Variants in HOOK3 observed in about 807,000 individuals in gnomAD.
HOOK3 encodes protein Hook homolog 3.
Under a neutral mutation model 116.3 loss-of-function variants are expected in HOOK3, and 24 were observed. The ratio of observed to expected loss-of-function variants is 0.21; its 90% confidence interval spans 0.15 to 0.29. HOOK3 has a LOEUF of 0.29. Among genes scored for constraint, HOOK3 ranks in the 10% least tolerant of loss-of-function variants. The probability of loss-of-function intolerance (pLI) is 1.00; values close to 1 mark genes in which losing one functional copy is unlikely to be tolerated. For synonymous variants in HOOK3, 275 were observed against 283.0 expected (o/e 0.97, Z 0.28); for missense variants, 632 against 830.2 (o/e 0.76, Z 2.93).
chr8:43,029,554 G>A lies in HOOK3; in HGVS notation c.*11056G>A. Reference sequence around the variant, plus strand: ...TTACAGGTTCTGTGTAATTCAGAATGCTTTGTACTTAGAAAATAATTTCTA... The same window carrying A: ...TTACAGGTTCTGTGTAATTCAGAATACTTTGTACTTAGAAAATAATTTCTA... On this transcript the variant is annotated 3_prime_UTR_variant, in exon 22 of 22. Coordinates refer to ENST00000307602, the MANE Select transcript of HOOK3 (RefSeq NM_032410.4). 5.3e-6 allele frequency: 1 copy of A among 188,538 alleles called. No individual in the cohort carries two copies. Among genetic ancestry groups the A allele is most frequent in the Non-Finnish European group, 1.1e-5 (1 of 89,504 alleles). 11.7% of individuals were successfully genotyped at this position (188,538 alleles called of 1,614,324 possible). A position where few individuals can be genotyped will look rare whatever the true frequency, so the allele number is the denominator to read the frequency against.
At chr8:42,978,840 C>T (rs138139049) in intron 13 of HOOK3, among the ~76,000 whole-genome samples, 257 of 152,302 alleles carry the variant, frequency 1.7e-3, no homozygotes, top group African/African-American at 5.9e-3. Context: ...TGTGCTACCG[C>T]GCCCAGCCAG....
chr8:43,027,135 A>G lies in HOOK3; in HGVS notation c.*8637A>G. ...TTGAACTCCTGACCTCAGGTAATCC[A>G]CCCGCCTCAGCCTCCCAAAGTGCTG... is the stretch of plus-strand genomic sequence containing the variant. On this transcript the variant is annotated 3_prime_UTR_variant, in exon 22 of 22. Coordinates refer to ENST00000307602, the MANE Select transcript of HOOK3 (RefSeq NM_032410.4). 5.3e-6 allele frequency: 1 copy of G among 187,084 alleles called. No homozygotes were observed. The highest frequency in any genetic ancestry group is 1.1e-5 in the Non-Finnish European group (1 of 88,580). 11.6% of individuals were successfully genotyped at this position (187,084 alleles called of 1,614,324 possible).
chr8:42,975,640 T>G (rs901617582), intron 13 of HOOK3, among the ~76,000 whole-genome samples: 1 of 152,238 alleles, frequency 6.6e-6, no homozygotes, highest in African/African-American at 2.4e-5. Context: ...TAGATGACGC[T>G]GCCGTGCTAA....
chr8:42,967,922 T>G (rs764201995), intron 10 of HOOK3, 91 bp from the exon 11 acceptor site: 1 of 725,498 alleles, frequency 1.4e-6, no homozygotes. Context: ...TTTCATTAGA[T>G]GTGTGTTTCC....
In HOOK3 at chr8:42,986,800, A is replaced by G. The variant is rs1809056790; in HGVS notation, c.1532+5A>G. The G allele has an allele frequency of 6.2e-7, 1 of 1,613,002 alleles. No individual in the cohort carries two copies. The highest frequency in any genetic ancestry group is 2.2e-5 in the East Asian group (1 of 44,826). Reference sequence around the variant, plus strand: ...TGAACTGGAGACAGAGAATAGGTAGAGTATTATAGGTGGCCGCATCTGGCT... The same window carrying G: ...TGAACTGGAGACAGAGAATAGGTAGGGTATTATAGGTGGCCGCATCTGGCT... On this transcript the variant is annotated splice_donor_5th_base_variant and intron_variant, in intron 15 of 21. Transcript: ENST00000307602.
chr8:43,026,368 T>C lies in HOOK3; in HGVS notation c.*7870T>C, dbSNP rs556714350. ...GTAGCACTTTACTAATATTAGATCATTATTTTCCCTCTTCCCCTCTACCTT... is the reference window on the plus strand; with the variant it reads ...GTAGCACTTTACTAATATTAGATCACTATTTTCCCTCTTCCCCTCTACCTT... On this transcript the variant is annotated 3_prime_UTR_variant, in exon 22 of 22. Coordinates refer to ENST00000307602, the MANE Select transcript of HOOK3 (RefSeq NM_032410.4). The C allele has an allele frequency of 1.0e-5, 2 of 198,800 alleles. 1 individual carries two copies. The highest frequency in any genetic ancestry group is 3.8e-4 in the South Asian group (2 of 5,232). 12.3% of individuals were successfully genotyped at this position (198,800 alleles called of 1,614,324 possible).
chr8:42,946,959 C>T (rs1314431909), intron 5 of HOOK3, among the ~76,000 whole-genome samples: 5 of 151,796 alleles, frequency 3.3e-5, no homozygotes, highest in Admixed American at 1.3e-4. Flanking sequence ...TTAGTAGAGA[C>T]GGGTTTTTAC....
At chr8:42,915,430 A>G (rs186067181) in intron 2 of HOOK3, among the ~76,000 whole-genome samples, 3 of 152,004 alleles carry the variant, frequency 2.0e-5, no homozygotes, top group Admixed American at 6.6e-5. Flanking sequence ...ATTGCCTGTT[A>G]TTATTATTAT....
chr8:42,931,929 A>G (rs978172574), intron 4 of HOOK3, among the ~76,000 whole-genome samples: 1 of 151,950 alleles, frequency 6.6e-6, no homozygotes. Context: ...TAATTTTTGT[A>G]TTTTTGGTAG....
intron 4 of HOOK3, among the ~76,000 whole-genome samples, chr8:42,938,838 G>A (rs1368965338): frequency 6.6e-6 from 1 of 152,056 alleles, no homozygotes; most frequent in East Asian, 1.9e-4. Context: ...AAGGTCTCTG[G>A]TTTTCCTAGG....
chr8:42,955,971 A>G (rs944727621), intron 6 of HOOK3, among the ~76,000 whole-genome samples: 3 of 152,150 alleles, frequency 2.0e-5, no homozygotes, highest in African/African-American at 7.2e-5. Flanking sequence ...GGGCTCAAGC[A>G]TTCCATCCAC....
At chr8:43,013,678 G>C (rs987992347) in intron 21 of HOOK3, among the ~76,000 whole-genome samples, 4 of 152,172 alleles carry the variant, frequency 2.6e-5, no homozygotes, top group African/African-American at 9.7e-5. Context: ...TGTAAGAGAA[G>C]GGACATTAAT....
Position 42,976,793 on chromosome 8 carries a change from A to G in HOOK3, c.1321+2599A>G, listed in dbSNP as rs534300479. Among the ~76,000 whole-genome samples, 6 of 152,290 alleles carry G rather than the reference A, an allele frequency of 3.9e-5. No individual in the cohort carries two copies. In the East Asian group the frequency reaches 1.2e-3, roughly 29 times the overall value. ...GTGCCTATAGTCCCAGCTACTCAGG[A>G]GGCTGAGGCATGAGAATGGCGTGAA... On this transcript the variant is annotated intron_variant, in intron 13 of 21. Coordinates refer to ENST00000307602, the MANE Select transcript of HOOK3 (RefSeq NM_032410.4).
intron 6 of HOOK3, among the ~76,000 whole-genome samples, chr8:42,953,998 A>G (rs968552120): frequency 6.6e-6 from 1 of 152,210 alleles, no homozygotes; most frequent in Non-Finnish European, 1.5e-5. Flanking sequence ...AGCATTAGAA[A>G]TAACTACCCA....
rs1299747775 is a variant in HOOK3 at position 43,029,254 on chromosome 8, A to T, written c.*10756A>T. ...AACCTCCGCCTCCCAGGTTCAAGCT[A>T]TTCTCCTGCCTCAGCCTCCCAAGTA... On this transcript the variant is annotated 3_prime_UTR_variant, in exon 22 of 22. Coordinates refer to ENST00000307602, the MANE Select transcript of HOOK3 (RefSeq NM_032410.4). 6.0e-6 allele frequency: 1 copy of T among 165,708 alleles called. No homozygotes were observed. The highest frequency in any genetic ancestry group is 1.3e-5 in the Non-Finnish European group (1 of 75,986). 10.3% of individuals were successfully genotyped at this position (165,708 alleles called of 1,614,324 possible).
chr8:42,900,432 G>A (rs1265665611), intron 1 of HOOK3, among the ~76,000 whole-genome samples: 6 of 152,170 alleles, frequency 3.9e-5, no homozygotes, highest in Non-Finnish European at 7.4e-5. Context: ...CATAGGCTCG[G>A]TACACTTTGG....
chr8:42,973,783 ATATT>A (rs1808768942), intron 12 of HOOK3, among the ~76,000 whole-genome samples: 3 of 152,138 alleles, frequency 2.0e-5, no homozygotes, highest in East Asian at 1.9e-4. Context: ...TGATTTATGA[ATATT>A]TATTGTCTTT....
chr8:42,984,119 G>T (rs1253568111), intron 14 of HOOK3, among the ~76,000 whole-genome samples: 1 of 152,166 alleles, frequency 6.6e-6, no homozygotes, highest in Non-Finnish European at 1.5e-5. Flanking sequence ...TGTAATCCTA[G>T]CACTTTGGGA....
intron 13 of HOOK3, among the ~76,000 whole-genome samples, chr8:42,980,153 C>T (rs1161508932): frequency 2.6e-5 from 4 of 151,396 alleles, no homozygotes; most frequent in Non-Finnish European, 5.9e-5. Flanking sequence ...TAGTAGAGAC[C>T]ATGTTGGCCA....
Sources: gnomAD v4.1 joint callset for allele counts (sites outside exome capture counted in the v4.1 genomes callset) on GRCh38, gnomAD v4.1.1 for gene constraint, MANE v1.5 for transcripts, NCBI Gene and HGNC (gene_info 2026-07-23, HGNC 2026-07-21) for gene names.